CNN1: variants seen among roughly 807,000 people sequenced by gnomAD.
The protein encoded by CNN1 is calponin-1.
CNN1 carries 21 observed loss-of-function variants against 35.3 expected under a neutral mutation model. The ratio of observed to expected loss-of-function variants is 0.60; its 90% confidence interval spans 0.42 to 0.86. The LOEUF is 0.86. Among genes scored for constraint, CNN1 ranks in the 40% least tolerant of loss-of-function variants. CNN1 has a pLI of 0.00. For synonymous variants in CNN1, 164 were observed against 161.8 expected (o/e 1.01, Z -0.10); for missense variants, 314 against 400.8 (o/e 0.78, Z 1.85).
Position 11,547,071 on chromosome 19 carries a change from G to T in CNN1, c.390+102G>T, listed in dbSNP as rs181129733. ...GAGCCCAGTGAAGGTGGCGGAGCGG[G>T]GGGCAGGGATCGGGGAGCAGGTGCT... On this transcript the variant is annotated intron_variant, in intron 4 of 6. Transcript: ENST00000252456. 1.2e-3 allele frequency: 1,892 copies of T among 1,546,288 alleles called. 1 individual carries two copies. Among genetic ancestry groups the T allele is most frequent in the Non-Finnish European group, 1.6e-3 (1,794 of 1,131,688 alleles).
Position 11,547,895 on chromosome 19 carries a change from C to T in CNN1, c.489C>T (p.Ile163=), listed in dbSNP as rs1972627860. ...EPGKLREGRN[I]IGLQMGTNKF... Reference sequence around the variant, plus strand: ...GGAAGCTAAGAGAAGGGCGGAACATCATTGGGCTGCAGGTACCGCCCTGTC... The same window carrying T: ...GGAAGCTAAGAGAAGGGCGGAACATTATTGGGCTGCAGGTACCGCCCTGTC... The change falls in exon 5 of 7, where the codon ATC becomes ATT. Residue 163 remains isoleucine, a synonymous_variant. Coordinates refer to ENST00000252456, the MANE Select transcript of CNN1 (RefSeq NM_001299.6). 3.7e-6 allele frequency: 6 copies of T among 1,613,476 alleles called. No homozygotes were observed. The South Asian group carries it at 5.5e-5, about 15-fold the overall frequency.
At chr19:11,543,607 T>C (rs917101401) in intron 2 of CNN1, among the ~76,000 whole-genome samples, 1 of 150,742 alleles carries the variant, frequency 6.6e-6, no homozygotes, top group Non-Finnish European at 1.5e-5. Flanking sequence ...GGTGAAACCC[T>C]GTCTCTACTA....
At chr19:11,545,921 G>A (rs1972570745) in intron 2 of CNN1, among the ~76,000 whole-genome samples, 1 of 151,172 alleles carries the variant, frequency 6.6e-6, no homozygotes, top group Non-Finnish European at 1.5e-5. Flanking sequence ...AGCTGTGATT[G>A]CACCACTGCT....
Position 11,549,902 on chromosome 19 carries a change from C to T in CNN1, c.*107C>T. ...CTCTCCCTGCATGGCATCCTCCAGC[C>T]CCTGTAGAACTCAACCTCTACAGGG... On this transcript the variant is annotated 3_prime_UTR_variant, in exon 7 of 7. Coordinates refer to ENST00000252456, the MANE Select transcript of CNN1 (RefSeq NM_001299.6). This position sits in a 1 kb window ranked among gnomAD's most constrained non-coding sequence, Gnocchi z 5.2. 1.4e-6 allele frequency: 2 copies of T among 1,456,636 alleles called. No homozygotes were observed. The highest frequency in any genetic ancestry group is 1.9e-6 in the Non-Finnish European group (2 of 1,078,230). 90.2% of individuals were successfully genotyped at this position (1,456,636 alleles called of 1,614,324 possible).
chr19:11,548,171 G>A lies in CNN1; in HGVS notation c.501+264G>A, dbSNP rs560167912. 5.9e-5 allele frequency among the ~76,000 whole-genome samples: 9 copies of A among 152,288 alleles called. No homozygotes were observed. The South Asian group carries it at 8.3e-4, about 14-fold the overall frequency. On this transcript the variant is annotated intron_variant, in intron 5 of 6. Coordinates refer to ENST00000252456, the MANE Select transcript of CNN1 (RefSeq NM_001299.6). The stretch of plus-strand genomic sequence containing the variant: ...TTTGCACAGATCTTCCAGCTGATGC[G>A]TGGCAGGCTGGAACTTCAATGCTAG...
chr19:11,544,053 A>C (rs1232085589), intron 2 of CNN1, among the ~76,000 whole-genome samples: 4 of 152,084 alleles, frequency 2.6e-5, no homozygotes, highest in Non-Finnish European at 5.9e-5. Context: ...AACAGTGAAC[A>C]GAACAGACTC....
intron 2 of CNN1, among the ~76,000 whole-genome samples, chr19:11,545,217 A>G (rs942725617): frequency 9.9e-5 from 15 of 151,394 alleles, no homozygotes; most frequent in South Asian, 6.3e-4. Flanking sequence ...AAAAAAAAAA[A>G]TTCTGGCTGC....
chr19:11,549,698 AG>A lies in CNN1; in HGVS notation c.799del (p.Val267SerfsTer8). 2 of 1,614,242 alleles carry A rather than the reference AG, an allele frequency of 1.2e-6. No individual in the cohort carries two copies. The highest frequency in any genetic ancestry group is 2.2e-5 in the South Asian group (2 of 91,092). ...RGMTVYGLPR[Q>X]VYDPKYCLTP... The stretch of plus-strand genomic sequence containing the variant: ...ATGACGGTGTATGGGCTGCCACGCC[AG>A]GTCTACGACCCCAAGTACTGTCTGA... On this transcript the variant is annotated frameshift_variant, in exon 7 of 7. Transcript: ENST00000252456. LOFTEE classifies it high-confidence loss of function. This position sits in a 1 kb window ranked among gnomAD's most constrained non-coding sequence, Gnocchi z 5.2.
intron 2 of CNN1, among the ~76,000 whole-genome samples, chr19:11,543,138 C>T (rs964535976): frequency 6.6e-6 from 1 of 152,144 alleles, no homozygotes; most frequent in Non-Finnish European, 1.5e-5. Flanking sequence ...AGACGTCAAA[C>T]AGTGCAGTCC....
rs1156651094 is a variant in CNN1 at position 11,539,102 on chromosome 19, GA to G, written c.63+113del. 2.7e-6 allele frequency: 3 copies of G among 1,105,372 alleles called. No individual in the cohort carries two copies. The Admixed American group carries it at 1.1e-4, about 40-fold the overall frequency. The allele number at this position is 1,105,372 out of a possible 1,614,324, so 68.5% of individuals were successfully genotyped here. A position where few individuals can be genotyped will look rare whatever the true frequency, so the allele number is the denominator to read the frequency against. ...CTATCCTATGTGACTTGGAAACTGAGAGGGGAAAAGGGAGTGATATGGGATA... is the reference window on the plus strand; with the variant it reads ...CTATCCTATGTGACTTGGAAACTGAGGGGGAAAAGGGAGTGATATGGGATA... On this transcript the variant is annotated intron_variant, in intron 1 of 6. Transcript: ENST00000252456.
chr19:11,549,468 A>G lies in CNN1; in HGVS notation c.647A>G (p.Gln216Arg). The G allele has an allele frequency of 6.2e-7, 1 of 1,613,908 alleles. No individual in the cohort carries two copies. Among genetic ancestry groups the G allele is most frequent in the Non-Finnish European group, 8.5e-7 (1 of 1,179,870 alleles). Residue 216 changes from glutamine (Q) to arginine (R), a missense_variant and splice_region_variant, in exon 6 of 7, where the codon CAG becomes CGG. Physicochemically the swap from Gln to Arg is conservative, Grantham distance 43. Coordinates refer to ENST00000252456, the MANE Select transcript of CNN1 (RefSeq NM_001299.6). The surrounding 1 kb of genome is among the most constrained non-coding windows in gnomAD (Gnocchi z 5.2). ...ATGGGCACCAACAAAGGAGCCAGCCAGGTGAGTGGGGGCCCCCGGGACACG... is the reference window on the plus strand; with the variant it reads ...ATGGGCACCAACAAAGGAGCCAGCCGGGTGAGTGGGGGCCCCCGGGACACG... Reference protein sequence around the residue: ...LQMGTNKGASQAGMTAPGTKR... With the variant: ...LQMGTNKGASRAGMTAPGTKR...
At position 11,549,789 on chromosome 19, in the gene CNN1, C is replaced by G. The variant is rs376481952; in HGVS notation, c.888C>G (p.Ser296=). ...HNHHAHNYYN[S]A is the part of the protein sequence containing the mutation. Reference sequence around the variant, plus strand: ...ACCACGCACACAACTACTACAATTCCGCCTAGGGCCACAAGGCCTTCCCTG... The same window carrying G: ...ACCACGCACACAACTACTACAATTCGGCCTAGGGCCACAAGGCCTTCCCTG... The change falls in exon 7 of 7, where the codon TCC becomes TCG. Residue 296 remains serine, a synonymous_variant. Coordinates refer to ENST00000252456, the MANE Select transcript of CNN1 (RefSeq NM_001299.6). This position sits in a 1 kb window ranked among gnomAD's most constrained non-coding sequence, Gnocchi z 5.2. 2 of 1,601,818 alleles carry G rather than the reference C, an allele frequency of 1.2e-6. No homozygotes were observed. Among genetic ancestry groups the G allele is most frequent in the Non-Finnish European group, 1.7e-6 (2 of 1,171,386 alleles).
chr19:11,541,464 C>T (rs765272908), intron 2 of CNN1, among the ~76,000 whole-genome samples: 2 of 152,134 alleles, frequency 1.3e-5, no homozygotes, highest in African/African-American at 2.4e-5. Context: ...CATCTGTGGC[C>T]GCCAGAGTCC....
intron 4 of CNN1, 134 bp downstream of exon 4, chr19:11,547,103 A>T: frequency 2.2e-6 from 3 of 1,352,582 alleles, no homozygotes; most frequent in Non-Finnish European, 3.1e-6. Context: ...TGCTGTCAAC[A>T]GCGTCCAAGG....
At chr19:11,540,052 A>T (rs2145025355) in intron 1 of CNN1, 1 of 1,003,302 alleles carries the variant, frequency 1.0e-6, no homozygotes, top group South Asian at 3.1e-5. Context: ...ACCTCCCCCC[A>T]CTCACCCGGG....
At chr19:11,540,946 A>G in intron 1 of CNN1, 130 bp from the exon 2 acceptor site, 2 of 1,041,666 alleles carry the variant, frequency 1.9e-6, no homozygotes, top group Non-Finnish European at 2.6e-6. Context: ...ATCTGGGGCA[A>G]AATTGCCTTA....
Position 11,549,173 on chromosome 19 carries a change from G to T in CNN1, c.502-150G>T. 1.2e-6 allele frequency: 1 copy of T among 836,328 alleles called. No homozygotes were observed. The highest frequency in any genetic ancestry group is 1.7e-6 in the Non-Finnish European group (1 of 577,112). The allele number at this position is 836,328 out of a possible 1,614,324, so 51.8% of individuals were successfully genotyped here. Reference sequence around the variant, plus strand: ...ACTGCACTCCAGCCTGGGCAACAGAGCAAGACTCCGTCTCAAAAAAAAATA... The same window carrying T: ...ACTGCACTCCAGCCTGGGCAACAGATCAAGACTCCGTCTCAAAAAAAAATA... On this transcript the variant is annotated intron_variant, in intron 5 of 6. Transcript: ENST00000252456. The surrounding 1 kb of genome is among the most constrained non-coding windows in gnomAD (Gnocchi z 5.2).
chr19:11,540,408 G>A (rs865932691), intron 1 of CNN1: 1 of 152,898 alleles, frequency 6.5e-6, no homozygotes, highest in East Asian at 1.9e-4. Flanking sequence ...GCCAGACAGG[G>A]ACTAGCCACC....
intron 2 of CNN1, among the ~76,000 whole-genome samples, chr19:11,543,293 T>A (rs1261541068): frequency 6.6e-6 from 1 of 150,422 alleles, no homozygotes; most frequent in Non-Finnish European, 1.5e-5. Flanking sequence ...AAGGCTGCAG[T>A]GAGCTATGAT....
Sources: gnomAD v4.1 joint callset for allele counts (sites outside exome capture counted in the v4.1 genomes callset) on GRCh38, gnomAD v4.1.1 for gene constraint, Gnocchi (gnomAD v3.1) non-coding constraint, MANE v1.5 for transcripts, NCBI Gene and HGNC (gene_info 2026-07-23, HGNC 2026-07-21) for gene names.